DGKB: variants seen among roughly 807,000 people sequenced by gnomAD.
DGKB encodes the protein 90 kDa diacylglycerol kinase.
In DGKB, 67 loss-of-function variants were observed where a neutral mutation model predicts 114.3. That is an observed-to-expected ratio of 0.59 (90% CI 0.48 to 0.72). The LOEUF (loss-of-function observed/expected upper bound fraction) is 0.72. Among genes scored for constraint, DGKB ranks in the 30% least tolerant of loss-of-function variants. The pLI is 0.00. For synonymous variants in DGKB, 398 were observed against 323.1 expected (o/e 1.23, Z -2.49); for missense variants, 907 against 975.2 (o/e 0.93, Z 0.93).
intron 5 of DGKB, among the ~76,000 whole-genome samples, chr7:14,729,123 CT>C (rs1162368398): frequency 1.6e-3 from 177 of 113,364 alleles, no homozygotes; most frequent in South Asian, 0.011. Flanking sequence ...CATTTTCTTT[CT>C]TTTTTTTTTT....
At chr7:14,476,765 T>C (rs1295090695) in intron 21 of DGKB, among the ~76,000 whole-genome samples, 2 of 151,296 alleles carry the variant, frequency 1.3e-5, no homozygotes, top group Non-Finnish European at 2.9e-5. Context: ...ATTTTTTTTT[T>C]TTTTTTTGAG....
intron 9 of DGKB, among the ~76,000 whole-genome samples, chr7:14,693,582 T>G (rs1167485657): frequency 6.6e-6 from 1 of 150,422 alleles, no homozygotes; most frequent in African/African-American, 2.4e-5. Context: ...TTTCTGCCAT[T>G]AAAGGTAATG....
intron 1 of DGKB, among the ~76,000 whole-genome samples, chr7:14,887,472 C>T (rs981059657): frequency 6.6e-6 from 1 of 151,796 alleles, no homozygotes; most frequent in Non-Finnish European, 1.5e-5. Flanking sequence ...TCTGTGTACA[C>T]TCAGTCCCTA....
At chr7:14,517,110 A>G (rs1321768959) in intron 20 of DGKB, among the ~76,000 whole-genome samples, 1 of 152,102 alleles carries the variant, frequency 6.6e-6, no homozygotes, top group Non-Finnish European at 1.5e-5. Flanking sequence ...AAACGAACAC[A>G]TATAGAAATG....
intron 13 of DGKB, among the ~76,000 whole-genome samples, chr7:14,632,047 G>C (rs1457300521): frequency 6.6e-6 from 1 of 151,960 alleles, no homozygotes; most frequent in Non-Finnish European, 1.5e-5. Context: ...CAGAGAGCAG[G>C]CACTGGAAAG....
chr7:14,302,192 G>A (rs1803680571), intron 23 of DGKB, among the ~76,000 whole-genome samples: 1 of 151,978 alleles, frequency 6.6e-6, no homozygotes, highest in Non-Finnish European at 1.5e-5. Context: ...GTATTCTTAG[G>A]TGTTAAGGTC....
chr7:14,919,365 A>G (rs1398458807), intron 1 of DGKB, among the ~76,000 whole-genome samples: 1 of 152,168 alleles, frequency 6.6e-6, no homozygotes, highest in Non-Finnish European at 1.5e-5. Context: ...AGGAAATTCA[A>G]TGGAGAAAAA....
chr7:14,278,440 G>A (rs922048026), intron 23 of DGKB, among the ~76,000 whole-genome samples: 12 of 152,138 alleles, frequency 7.9e-5, no homozygotes, highest in East Asian at 1.9e-4. Flanking sequence ...GGATATCCAC[G>A]TGCAGAGGAA....
At chr7:14,655,331 A>AT (rs1690787436) in intron 13 of DGKB, among the ~76,000 whole-genome samples, 1 of 151,848 alleles carries the variant, frequency 6.6e-6, no homozygotes, top group African/African-American at 2.4e-5. Context: ...CAAAACCACC[A>AT]TAAGATATCA....
At chr7:14,350,644 T>C (rs1193858493) in intron 21 of DGKB, among the ~76,000 whole-genome samples, 2 of 151,468 alleles carry the variant, frequency 1.3e-5, no homozygotes, top group Non-Finnish European at 2.9e-5. Flanking sequence ...TTTTCATGTA[T>C]TTAGTGGGGA....
At chr7:14,235,519 G>A (rs1367145664) in intron 23 of DGKB, among the ~76,000 whole-genome samples, 1 of 152,084 alleles carries the variant, frequency 6.6e-6, no homozygotes, top group Non-Finnish European at 1.5e-5. Flanking sequence ...CATCTGTGAA[G>A]TAGAATGCCA....
rs139948116 is a variant in DGKB, at chr7:14,912,829, T to A, written c.-188+61867A>T. On this transcript the variant is annotated intron_variant, in intron 1 of 4. Transcript: ENST00000437998. ...CATATGAGTGTCCCATACGTCTACC[T>A]CTTACCTACAGATAGACCATCTTTC... is the stretch of plus-strand genomic sequence containing the variant. Among the ~76,000 whole-genome samples, 12 of 152,280 alleles carry A rather than the reference T, an allele frequency of 7.9e-5. 2 individuals are homozygous for A. The highest frequency in any genetic ancestry group is 2.9e-4 in the African/African-American group (12 of 41,574).
intron 2 of DGKB, among the ~76,000 whole-genome samples, chr7:14,770,871 C>T (rs1038857934): frequency 6.6e-5 from 10 of 152,162 alleles, no homozygotes; most frequent in Non-Finnish European, 1.3e-4. Flanking sequence ...AGCCAGTGCT[C>T]TTATACAAAG....
At chr7:14,408,586 T>C (rs1824332012) in intron 21 of DGKB, among the ~76,000 whole-genome samples, 1 of 152,138 alleles carries the variant, frequency 6.6e-6, no homozygotes, top group Non-Finnish European at 1.5e-5. Flanking sequence ...CATAGAACAA[T>C]TGCCATTTCT....
rs529454034 is a variant in DGKB at position 14,187,652 on chromosome 7, C to A, written c.2123-9501G>T. ...ATGAAGACTACAGTACTGAGTCGAC[C>A]TAGAGCTAAAGCCAATGCACCACAT... On this transcript the variant is annotated intron_variant, in intron 23 of 25. Coordinates refer to ENST00000402815, the MANE Select transcript of DGKB (RefSeq NM_001350709.2). Among the ~76,000 whole-genome samples the A allele has an allele frequency of 7.6e-4, 115 of 152,130 alleles. 1 individual carries two copies. The highest frequency in any genetic ancestry group is 7.5e-4 in the Non-Finnish European group (51 of 68,032).
intron 13 of DGKB, among the ~76,000 whole-genome samples, chr7:14,656,000 T>C (rs1815705230): frequency 6.6e-6 from 1 of 151,658 alleles, no homozygotes; most frequent in Non-Finnish European, 1.5e-5. Context: ...ATTTATTGTG[T>C]ATGTTCAAAA....
intron 2 of DGKB, among the ~76,000 whole-genome samples, chr7:14,820,214 A>G (rs952594838): frequency 6.6e-6 from 1 of 152,120 alleles, no homozygotes; most frequent in African/African-American, 2.4e-5. Flanking sequence ...TAGATCAATA[A>G]AAAAACCCTC....
chr7:14,849,362 T>C (rs567036223), intron 1 of DGKB, among the ~76,000 whole-genome samples: 2 of 152,212 alleles, frequency 1.3e-5, no homozygotes, highest in East Asian at 3.9e-4. Context: ...TATTATCAAG[T>C]GGGACCTTTG....
intron 23 of DGKB, among the ~76,000 whole-genome samples, chr7:14,181,754 G>A (rs1008112065): frequency 3.3e-5 from 5 of 152,132 alleles, no homozygotes; most frequent in African/African-American, 9.7e-5. Flanking sequence ...AGAGGAAGAC[G>A]TTGCTTTTGT....
Sources: allele counts gnomAD v4.1 joint callset (sites outside exome capture counted in the v4.1 genomes callset), GRCh38; gene constraint gnomAD v4.1.1; transcripts MANE v1.5; gene names NCBI Gene and HGNC (gene_info 2026-07-23, HGNC 2026-07-21).